DOCK2: variants seen among roughly 807,000 people sequenced by gnomAD.
DOCK2 encodes dedicator of cytokinesis 2, also known as dedicator of cytokinesis protein 2.
A neutral mutation model predicts 248.9 loss-of-function variants in DOCK2; 87 were observed. The ratio of observed to expected loss-of-function variants is 0.35; its 90% CI spans 0.29 to 0.42. DOCK2 has a LOEUF of 0.42. DOCK2 is among the 10% of genes least tolerant of loss of function. The pLI, the probability that DOCK2 is intolerant of heterozygous loss-of-function variation, is 1.00. For missense variants in DOCK2, 1,747 were observed against 2,300.2 expected (o/e 0.76, Z 4.92); for synonymous variants, 805 against 821.6 (o/e 0.98, Z 0.35).
At chr5:169,719,388 A>C (rs1468277557) in intron 22 of DOCK2, among the ~76,000 whole-genome samples, 3 of 152,258 alleles carry the variant, frequency 2.0e-5, no homozygotes, top group African/African-American at 4.8e-5. Flanking sequence ...CCATAGGGCA[A>C]AGTTAGGTAG....
intron 26 of DOCK2, among the ~76,000 whole-genome samples, chr5:169,822,900 A>C (rs1340263283): frequency 6.6e-6 from 1 of 152,224 alleles, no homozygotes; most frequent in African/African-American, 2.4e-5. Flanking sequence ...AAAGGAGGGA[A>C]GAATCCAATA....
chr5:169,876,259 C>T (rs1251179324), intron 27 of DOCK2, among the ~76,000 whole-genome samples: 1 of 152,226 alleles, frequency 6.6e-6, no homozygotes, highest in African/African-American at 2.4e-5. Flanking sequence ...TCTGCAAAGT[C>T]CCTTTTGCCA....
chr5:169,708,192 G>C lies in DOCK2; in HGVS notation c.1407G>C (p.Gly469=). 1 of 1,613,944 alleles carries C rather than the reference G, an allele frequency of 6.2e-7. No homozygotes were observed. The highest frequency in any genetic ancestry group is 8.5e-7 in the Non-Finnish European group (1 of 1,179,956). The change falls in exon 15 of 52, where the codon GGG becomes GGC. Residue 469 remains glycine, a synonymous_variant. Transcript: ENST00000520908. ...TLPNAICVGA[G]DKPMNEYRSV... is the part of the protein sequence containing the mutation. Reference sequence around the variant, plus strand: ...AGAATGCAATTTGCGTGGGAGCAGGGGACAAGCCCATGAATGAGTATCGCT... The same window carrying C: ...AGAATGCAATTTGCGTGGGAGCAGGCGACAAGCCCATGAATGAGTATCGCT...
chr5:169,994,938 C>T (rs1430754488), intron 29 of DOCK2, among the ~76,000 whole-genome samples: 6 of 152,008 alleles, frequency 3.9e-5, no homozygotes, highest in Non-Finnish European at 8.8e-5. Flanking sequence ...GAGAGAACAA[C>T]ATGGAGAGGA....
chr5:169,853,931 G>C (rs1315895983), intron 27 of DOCK2, among the ~76,000 whole-genome samples: 1 of 134,276 alleles, frequency 7.4e-6, no homozygotes, highest in Non-Finnish European at 1.5e-5. Context: ...TGCCTCCCGG[G>C]TTCACACCAT....
intron 41 of DOCK2, among the ~76,000 whole-genome samples, chr5:170,053,110 C>T (rs10044177): frequency 0.013 from 1,925 of 152,300 alleles, 40 homozygotes; most frequent in African/African-American, 0.042. Context: ...CCCAGTTCCG[C>T]GCATACATTC....
chr5:169,752,677 T>C (rs1763963724), intron 23 of DOCK2, among the ~76,000 whole-genome samples: 2 of 152,066 alleles, frequency 1.3e-5, no homozygotes, highest in Non-Finnish European at 2.9e-5. Flanking sequence ...GGCAGGAAGA[T>C]CACTTGAGCC....
At chr5:169,979,587 A>G (rs1046726143) in intron 27 of DOCK2, among the ~76,000 whole-genome samples, 12 of 152,152 alleles carry the variant, frequency 7.9e-5, no homozygotes, top group African/African-American at 2.7e-4. Flanking sequence ...GTGATTTCCC[A>G]CAGATCTGAT....
chr5:169,653,807 T>C (rs1757940774), intron 1 of DOCK2, among the ~76,000 whole-genome samples: 1 of 152,212 alleles, frequency 6.6e-6, no homozygotes, highest in African/African-American at 2.4e-5. Context: ...AATTCTACCA[T>C]TTGGTTACTG....
intron 27 of DOCK2, among the ~76,000 whole-genome samples, chr5:169,859,150 G>A (rs1475992193): frequency 6.6e-6 from 1 of 152,208 alleles, no homozygotes; most frequent in Non-Finnish European, 1.5e-5. Flanking sequence ...ACGCTGACCT[G>A]AGAACTTGGC....
intron 25 of DOCK2, among the ~76,000 whole-genome samples, chr5:169,767,932 AG>A (rs1764883106): frequency 6.6e-6 from 1 of 152,232 alleles, no homozygotes; most frequent in South Asian, 2.1e-4. Context: ...ATGTGATGCT[AG>A]GGTTACAAAT....
chr5:169,843,728 C>G (rs1248926238), intron 27 of DOCK2, among the ~76,000 whole-genome samples: 1 of 152,184 alleles, frequency 6.6e-6, no homozygotes, highest in Non-Finnish European at 1.5e-5. Context: ...CTCACCAACC[C>G]TAAGCAACCA....
chr5:169,964,286 GC>G (rs1777210878), intron 27 of DOCK2, among the ~76,000 whole-genome samples: 1 of 152,096 alleles, frequency 6.6e-6, no homozygotes, highest in Non-Finnish European at 1.5e-5. Context: ...CCGGACTCTG[GC>G]CCCCATCAGG....
At chr5:169,791,312 C>T (rs909419350) in intron 25 of DOCK2, among the ~76,000 whole-genome samples, 23 of 152,080 alleles carry the variant, frequency 1.5e-4, no homozygotes, top group South Asian at 6.2e-4. Context: ...AACTGCAATG[C>T]GATGGGGAAG....
At chr5:169,673,000 G>T (rs1372737037) in intron 5 of DOCK2, among the ~76,000 whole-genome samples, 1 of 152,200 alleles carries the variant, frequency 6.6e-6, no homozygotes, top group Non-Finnish European at 1.5e-5. Context: ...CTTCTGGGAA[G>T]CCCCTCAAAT....
At chr5:169,944,464 G>T (rs1167328641) in intron 27 of DOCK2, among the ~76,000 whole-genome samples, 1 of 152,220 alleles carries the variant, frequency 6.6e-6, no homozygotes, top group African/African-American at 2.4e-5. Context: ...TGCTGAAGGA[G>T]GCAGGAGATT....
chr5:169,647,610 C>T (rs150578074), intron 1 of DOCK2, among the ~76,000 whole-genome samples: 29 of 152,232 alleles, frequency 1.9e-4, no homozygotes, highest in African/African-American at 6.3e-4. Context: ...CCAGTTCTCC[C>T]TGGGACTCCA....
intron 22 of DOCK2, among the ~76,000 whole-genome samples, chr5:169,731,415 G>A (rs2113625392): frequency 6.6e-6 from 1 of 152,250 alleles, no homozygotes; most frequent in East Asian, 1.9e-4. Context: ...CTCCCTCTTT[G>A]CCTGCTGCCA....
At chr5:169,876,525 C>T (rs1360391211) in intron 27 of DOCK2, among the ~76,000 whole-genome samples, 1 of 152,192 alleles carries the variant, frequency 6.6e-6, no homozygotes, top group Non-Finnish European at 1.5e-5. Flanking sequence ...GACAGAAGTC[C>T]TGGGCAATAA....
Sources: allele counts gnomAD v4.1 joint callset (sites outside exome capture counted in the v4.1 genomes callset), GRCh38; gene constraint gnomAD v4.1.1; transcripts MANE v1.5; gene names NCBI Gene and HGNC (gene_info 2026-07-23, HGNC 2026-07-21).